CCDC171: variants seen among roughly 807,000 people sequenced by gnomAD.
The protein encoded by CCDC171 is coiled-coil domain-containing protein 171.
Under a neutral mutation model 168.2 loss-of-function variants are expected in CCDC171, and 177 were observed. The ratio of observed to expected loss-of-function variants is 1.05; its 90% CI spans 0.93 to 1.19. CCDC171 has a LOEUF of 1.19. Among genes scored for constraint, CCDC171 ranks in the 50% most tolerant of loss-of-function variants. The probability of loss-of-function intolerance (pLI) is 0.00; values close to 1 mark genes in which losing one functional copy is unlikely to be tolerated. For synonymous variants in CCDC171, 687 were observed against 540.8 expected (o/e 1.27, Z -3.75); for missense variants, 1,991 against 1,539.0 (o/e 1.29, Z -4.91).
At chr9:15,679,623 C>G (rs372832335) in intron 10 of CCDC171, among the ~76,000 whole-genome samples, 102 of 152,268 alleles carry the variant, frequency 6.7e-4, no homozygotes, top group African/African-American at 2.2e-3. Context: ...AACCCTAGCT[C>G]ACTGAAATCT....
At chr9:15,809,369 C>G (rs2059226620) in intron 21 of CCDC171, among the ~76,000 whole-genome samples, 1 of 152,156 alleles carries the variant, frequency 6.6e-6, no homozygotes, top group Non-Finnish European at 1.5e-5. Context: ...AATTCAATTC[C>G]TCAGTCTCAC....
At chr9:15,778,731 T>G (rs889129716) in intron 19 of CCDC171, among the ~76,000 whole-genome samples, 2 of 151,162 alleles carry the variant, frequency 1.3e-5, no homozygotes, top group East Asian at 2.0e-4. Flanking sequence ...GTATGAGACC[T>G]AAACAGCTGT....
At chr9:15,706,616 C>A (rs1046510249) in intron 11 of CCDC171, among the ~76,000 whole-genome samples, 3 of 152,106 alleles carry the variant, frequency 2.0e-5, no homozygotes, top group African/African-American at 7.2e-5. Flanking sequence ...GTGAGTATTT[C>A]TTCTAATAGT....
chr9:15,563,544 A>T (rs1025441096), intron 1 of CCDC171, among the ~76,000 whole-genome samples: 1 of 152,226 alleles, frequency 6.6e-6, no homozygotes, highest in Non-Finnish European at 1.5e-5. Context: ...TACCAATTAC[A>T]GTGCTTGACG....
At chr9:15,844,541 A>T (rs993805909) in intron 21 of CCDC171, among the ~76,000 whole-genome samples, 9 of 152,158 alleles carry the variant, frequency 5.9e-5, no homozygotes, top group African/African-American at 2.2e-4. Context: ...TGAGAATTCT[A>T]TGTCTATAAG....
chr9:15,647,187 T>C (rs1214925098), intron 7 of CCDC171, among the ~76,000 whole-genome samples: 2 of 152,124 alleles, frequency 1.3e-5, no homozygotes, highest in Admixed American at 6.6e-5. Context: ...GAAATAAAGA[T>C]GTTCTTTGAA....
At chr9:15,610,481 A>G (rs1318505197) in intron 6 of CCDC171, among the ~76,000 whole-genome samples, 108 of 136,800 alleles carry the variant, frequency 7.9e-4, no homozygotes, top group African/African-American at 3.0e-3. Flanking sequence ...AAAAAAAAAA[A>G]CTGGGCGTGG....
chr9:16,023,122 C>G (rs945885890), intron 6 of CCDC171, among the ~76,000 whole-genome samples: 1 of 151,718 alleles, frequency 6.6e-6, no homozygotes, highest in South Asian at 2.1e-4. Flanking sequence ...TAAATGGAGT[C>G]TCACTCTGTC....
intron 16 of CCDC171, among the ~76,000 whole-genome samples, chr9:15,737,932 C>G (rs140272674): frequency 6.6e-6 from 1 of 152,116 alleles, no homozygotes; most frequent in Non-Finnish European, 1.5e-5. Context: ...TCCAATTTCC[C>G]TACAAAGTGT....
chr9:15,619,534 G>C (rs1487680173), intron 6 of CCDC171, among the ~76,000 whole-genome samples: 1 of 152,202 alleles, frequency 6.6e-6, no homozygotes, highest in Non-Finnish European at 1.5e-5. Context: ...TGAGAGAGGT[G>C]AGGAATTTGG....
intron 23 of CCDC171, among the ~76,000 whole-genome samples, chr9:15,850,761 A>G (rs2061089953): frequency 1.3e-5 from 2 of 151,916 alleles, no homozygotes; most frequent in South Asian, 2.1e-4. Flanking sequence ...CCAGAGTTCA[A>G]TAGGTTTATT....
intron 24 of CCDC171, among the ~76,000 whole-genome samples, chr9:15,890,915 A>G (rs917315147): frequency 3.3e-5 from 5 of 152,152 alleles, no homozygotes; most frequent in African/African-American, 4.8e-5. Flanking sequence ...TTGCTGTATT[A>G]TATCAGAATC....
intron 24 of CCDC171, among the ~76,000 whole-genome samples, chr9:15,881,957 C>T (rs1274329184): frequency 6.6e-6 from 1 of 152,066 alleles, no homozygotes; most frequent in Non-Finnish European, 1.5e-5. Flanking sequence ...GTACACATAC[C>T]CAGTAGTGGA....
chr9:16,067,071 C>T, the CCDC171 span, among the ~76,000 whole-genome samples: 1 of 151,904 alleles, frequency 6.6e-6, no homozygotes, highest in East Asian at 1.9e-4. Context: ...AGTTTACAGT[C>T]CCACCAACAG....
intron 4 of CCDC171, among the ~76,000 whole-genome samples, chr9:15,586,122 G>C (rs1304613243): frequency 6.6e-6 from 1 of 152,184 alleles, no homozygotes; most frequent in East Asian, 1.9e-4. Context: ...GAAATGTCCT[G>C]ATGTTTGCAA....
At chr9:15,781,488 G>A (rs2057664502) in intron 20 of CCDC171, among the ~76,000 whole-genome samples, 2 of 152,172 alleles carry the variant, frequency 1.3e-5, no homozygotes, top group Non-Finnish European at 2.9e-5. Context: ...TACGATCTCA[G>A]CTCACTGCAG....
At chr9:16,034,668 C>T (rs1282645659) in intron 6 of CCDC171, among the ~76,000 whole-genome samples, 1 of 152,170 alleles carries the variant, frequency 6.6e-6, no homozygotes, top group Non-Finnish European at 1.5e-5. Context: ...GTGTTCTCAC[C>T]ACTGTGATGG....
intron 24 of CCDC171, chr9:15,887,747 T>G (rs1819627745): frequency 6.6e-6 from 1 of 152,044 alleles, no homozygotes; most frequent in African/African-American, 2.4e-5. Context: ...CATTTAGAAA[T>G]AGTATTATTA....
At position 15,745,720 on chromosome 9, in the gene CCDC171, T is replaced by C. The variant is rs1010960635; in HGVS notation, c.2671+89T>C. 24 of 675,348 alleles carry C rather than the reference T, an allele frequency of 3.6e-5. 1 individual carries two copies. In the Admixed American group the frequency reaches 5.5e-4, roughly 15 times the overall value. The allele number at this position is 675,348 out of a possible 1,614,324, so 41.8% of individuals were successfully genotyped here. On this transcript the variant is annotated intron_variant, in intron 18 of 25. Transcript: ENST00000380701. ...ATGTCACAAATTCTAATAAAACATA[T>C]AGGGGGAAATATATTTGTTTTTATC...
Sources: allele counts gnomAD v4.1 joint callset (sites outside exome capture counted in the v4.1 genomes callset), GRCh38; gene constraint gnomAD v4.1.1; transcripts MANE v1.5; gene names NCBI Gene and HGNC (gene_info 2026-07-23, HGNC 2026-07-21).